NBPF26: variants seen among roughly 807,000 people sequenced by gnomAD.
NBPF26 encodes NBPF family member NBPF26.
NBPF26 carries 79 observed loss-of-function variants against 119.6 expected under a neutral mutation model. The observed-to-expected ratio is 0.66, with a 90% confidence interval of 0.55 to 0.80. The LOEUF (loss-of-function observed/expected upper bound fraction) is 0.80. Ranked by LOEUF, NBPF26 falls within the 30% of genes least tolerant of loss-of-function variation. NBPF26 has a pLI of 0.00. For synonymous variants in NBPF26, 299 were observed against 457.7 expected, an observed-to-expected ratio of 0.65 and a Z score of 4.43; for missense variants, 800 against 1,198.2, an observed-to-expected ratio of 0.67 and a Z score of 4.91.
In NBPF26 at chr1:120,805,620, T is replaced by C. The variant is rs1202273849; in HGVS notation, c.816T>C (p.Ser272=). 3.6e-5 allele frequency: 52 copies of C among 1,462,716 alleles called. 16 individuals carry two copies. Among genetic ancestry groups the C allele is most frequent in the Admixed American group, 1.8e-4 (10 of 54,796 alleles). 90.6% of individuals were successfully genotyped at this position (1,462,716 alleles called of 1,614,324 possible). A position where few individuals can be genotyped will look rare whatever the true frequency, so the allele number is the denominator to read the frequency against. The change falls in exon 5 of 30, where the codon AGT becomes AGC. Residue 272 remains serine, a synonymous_variant. Coordinates refer to ENST00000620612, the Ensembl canonical transcript of NBPF26. Reference sequence around the variant, plus strand: ...TGGTATCAGCCGGCCATTGGTCCAGTGAGAAGGCAGAGATGAACATTCTAG... The same window carrying C: ...TGGTATCAGCCGGCCATTGGTCCAGCGAGAAGGCAGAGATGAACATTCTAG...
At chr1:120,728,461 T>C (rs1181627109) in intron 1 of NBPF26, among the ~76,000 whole-genome samples, 2 of 114,622 alleles carry the variant, frequency 1.7e-5, no homozygotes, top group African/African-American at 5.2e-5. Context: ...GTGGGGTTTC[T>C]TTCTTTCTTT....
In NBPF26 at chr1:120,814,762, G is replaced by C. The variant is rs1651968917; in HGVS notation, c.1878-67G>C. The C allele has an allele frequency of 3.0e-6, 3 of 1,010,590 alleles. No individual in the cohort carries two copies. In the African/African-American group the frequency reaches 7.2e-5, roughly 24 times the overall value. 62.6% of individuals were successfully genotyped at this position (1,010,590 alleles called of 1,614,324 possible). On this transcript the variant is annotated intron_variant, in intron 11 of 29. Transcript: ENST00000620612. ...TGAGGACATTGTCTCAGAAATCTCT[G>C]TTGCAATATTTGAGCGGATCACTCA...
At position 120,805,652 on chromosome 1, in the gene NBPF26, AC is replaced by A. The variant is rs1306559739; in HGVS notation, c.849del (p.Asn283LysfsTer15). ...GCAGAGATGAACATTCTAGAAATCA[AC>A]GAGACATTGCGCCCCCAGCTGCCAG... On this transcript the variant is annotated frameshift_variant, in exon 5 of 30. Coordinates refer to ENST00000620612, the Ensembl canonical transcript of NBPF26. LOFTEE classifies it high-confidence loss of function. The A allele has an allele frequency of 3.7e-5, 54 of 1,459,760 alleles. 10 individuals carry two copies. Among genetic ancestry groups the A allele is most frequent in the Non-Finnish European group, 4.9e-5 (53 of 1,079,596 alleles). The allele number at this position is 1,459,760 out of a possible 1,614,324, so 90.4% of individuals were successfully genotyped here. A position where few individuals can be genotyped will look rare whatever the true frequency, so the allele number is the denominator to read the frequency against.
At chr1:120,769,604 ATAGAG>A (rs1267634273) in intron 2 of NBPF26, among the ~76,000 whole-genome samples, 3 of 122,376 alleles carry the variant, frequency 2.5e-5, no homozygotes, top group East Asian at 2.0e-4. Flanking sequence ...AATACCTCTC[ATAGAG>A]TAATCTTTTC....
In NBPF26 at chr1:120,790,458, G is replaced by C. The variant is rs1283562243; in HGVS notation, c.416-2703G>C. Among the ~76,000 whole-genome samples the C allele has an allele frequency of 1.7e-5, 2 of 117,010 alleles. 1 individual carries two copies. Among genetic ancestry groups the C allele is most frequent in the Non-Finnish European group, 3.3e-5 (2 of 60,960 alleles). The allele number at this position is 117,010 out of a possible 152,430, so 76.8% of individuals were successfully genotyped here. A position where few individuals can be genotyped will look rare whatever the true frequency, so the allele number is the denominator to read the frequency against. ...ATCTCCACTCAGAGATGAAGAAGCAGAGGCAGCAAGTTAGTGCCTATACAT... is the reference window on the plus strand; with the variant it reads ...ATCTCCACTCAGAGATGAAGAAGCACAGGCAGCAAGTTAGTGCCTATACAT... On this transcript the variant is annotated intron_variant, in intron 3 of 29. Coordinates refer to ENST00000620612, the Ensembl canonical transcript of NBPF26.
At chr1:120,838,532 GTGTGTGTGTGTGTGTCTA>G (rs1652449889) in intron 27 of NBPF26, among the ~76,000 whole-genome samples, 195 bp from the exon 34 acceptor site, 19 of 83,576 alleles carry the variant, frequency 2.3e-4, no homozygotes, top group African/African-American at 1.0e-3. Context: ...GTGTGTGTGT[GTGTGTGTGTGTGTGTCTA>G]TCTGTCTTTC....
chr1:120,817,000 G>A (rs1571041422), intron 14 of NBPF26, among the ~76,000 whole-genome samples, 173 bp downstream of exon 14: 1 of 119,556 alleles, frequency 8.4e-6, no homozygotes, highest in East Asian at 2.0e-4. Flanking sequence ...TTGTCTGCCA[G>A]TCCCCAGTAT....
At chr1:120,840,598 C>T (rs1180945140) in exon 30 of NBPF26, 1 of 1,462,410 alleles carries the variant, frequency 6.8e-7, no homozygotes, top group Non-Finnish European at 9.2e-7. Context: ...CAATAAGCAG[C>T]CCTTACTAAG....
chr1:120,803,760 C>T (rs1385741168), intron 4 of NBPF26, among the ~76,000 whole-genome samples: 5 of 100,914 alleles, frequency 5.0e-5, no homozygotes, highest in Non-Finnish European at 7.7e-5. Flanking sequence ...ATGCCTTGTA[C>T]GAATTGGTCA....
At chr1:120,777,655 CTTTCT>C (rs1651313772) in intron 2 of NBPF26, among the ~76,000 whole-genome samples, 1 of 19,958 alleles carries the variant, frequency 5.0e-5, no homozygotes, top group African/African-American at 9.9e-4. Flanking sequence ...TCCTTTTTTT[CTTTCT>C]TTTTTTTTTG....
chr1:120,770,307 C>A (rs1421794013), intron 2 of NBPF26, among the ~76,000 whole-genome samples: 1 of 107,876 alleles, frequency 9.3e-6, no homozygotes, highest in Admixed American at 9.0e-5. Context: ...GTAGCCGGGA[C>A]TATAAGCGCC....
At chr1:120,752,432 A>T (rs1651026115) in intron 1 of NBPF26, among the ~76,000 whole-genome samples, 1 of 13,504 alleles carries the variant, frequency 7.4e-5, no homozygotes, top group Non-Finnish European at 1.3e-4. Flanking sequence ...TGACCAGGAG[A>T]CCCAAGTTGT....
rs1247872267 is a variant in NBPF26 at position 120,769,952 on chromosome 1, CAA to C, written c.155+6248_155+6249del. Among the ~76,000 whole-genome samples the C allele has an allele frequency of 1.8e-3, 189 of 107,908 alleles. 6 individuals are homozygous for C. The highest frequency in any genetic ancestry group is 7.4e-3 in the African/African-American group (180 of 24,268). The allele number at this position is 107,908 out of a possible 152,430, so 70.8% of individuals were successfully genotyped here. A position where few individuals can be genotyped will look rare whatever the true frequency, so the allele number is the denominator to read the frequency against. The stretch of plus-strand genomic sequence containing the variant: ...TCTCTTGTGAAATTTAAGAGAGTGC[CAA>C]AAAACTCACTAATCAAAATAATGTT... On this transcript the variant is annotated intron_variant, in intron 2 of 29. Coordinates refer to ENST00000620612, the Ensembl canonical transcript of NBPF26.
intron 1 of NBPF26, among the ~76,000 whole-genome samples, chr1:120,730,623 G>T: frequency 8.7e-6 from 1 of 115,120 alleles, no homozygotes; most frequent in Non-Finnish European, 1.7e-5. Flanking sequence ...TATTATCTGT[G>T]TGGCAGAACA....
intron 1 of NBPF26, among the ~76,000 whole-genome samples, chr1:120,760,113 G>A (rs1361426094): frequency 1.2e-5 from 1 of 81,162 alleles, no homozygotes; most frequent in South Asian, 3.6e-4. Context: ...TTCTATCCAT[G>A]TTGTCTCAAA....
At chr1:120,816,911 T>A in intron 14 of NBPF26, 84 bp downstream of exon 14, 1 of 1,373,754 alleles carries the variant, frequency 7.3e-7, no homozygotes, top group South Asian at 1.2e-5. Flanking sequence ...AAACACAAAT[T>A]CATTTGAATA....
rs1309349437 is a variant in NBPF26, at chr1:120,801,405, C to T, written c.752-4151C>T. ...AACTTTTGGAATATGGTAAAAGACA[C>T]TGAAATATATGCTTAAAAATGGTGA... On this transcript the variant is annotated intron_variant, in intron 4 of 29. Transcript: ENST00000620612. 4.5e-5 allele frequency among the ~76,000 whole-genome samples: 5 copies of T among 111,794 alleles called. 2 individuals carry two copies. Among genetic ancestry groups the T allele is most frequent in the African/African-American group, 2.4e-4 (5 of 21,070 alleles). The allele number at this position is 111,794 out of a possible 152,430, so 73.3% of individuals were successfully genotyped here. A position where few individuals can be genotyped will look rare whatever the true frequency, so the allele number is the denominator to read the frequency against.
chr1:120,812,076 C>A, exon 10 of NBPF26: 1 of 1,246,050 alleles, frequency 8.0e-7, no homozygotes, highest in East Asian at 2.4e-5. Flanking sequence ...GCTTCCTGGC[C>A]AACCAGCAGA....
In NBPF26 at chr1:120,724,479, C is replaced by T. The variant is rs1417437835; in HGVS notation, c.73+229C>T. 4.9e-5 allele frequency among the ~76,000 whole-genome samples: 6 copies of T among 121,370 alleles called. 2 individuals carry two copies. The highest frequency in any genetic ancestry group is 8.9e-5 in the African/African-American group (2 of 22,470). The allele number at this position is 121,370 out of a possible 152,430, so 79.6% of individuals were successfully genotyped here. A position where few individuals can be genotyped will look rare whatever the true frequency, so the allele number is the denominator to read the frequency against. ...GCCTCTGCTCCCCGCGGCCCGGGAC[C>T]CCTCACACGCCTCCTCGGCAGGAGG... On this transcript the variant is annotated intron_variant, in intron 1 of 29. Transcript: ENST00000620612.
Sources: allele counts gnomAD v4.1 joint callset (sites outside exome capture counted in the v4.1 genomes callset), GRCh38; gene constraint gnomAD v4.1.1; transcripts MANE v1.5; gene names NCBI Gene and HGNC (gene_info 2026-07-23, HGNC 2026-07-21).